PCCA: variants seen among roughly 807,000 people sequenced by gnomAD.
PCCA encodes the protein propionyl-CoA carboxylase subunit alpha.
PCCA carries 74 observed loss-of-function variants against 101.3 expected under a neutral mutation model. That is an observed-to-expected ratio of 0.73 (90% CI 0.61 to 0.89). The LOEUF is 0.89. Ranked by LOEUF, PCCA falls within the 40% of genes least tolerant of loss-of-function variation. The pLI is 0.00. For missense variants in PCCA, 891 were observed against 907.0 expected, an observed-to-expected ratio of 0.98 and a Z score of 0.23; for synonymous variants, 294 against 313.6, an observed-to-expected ratio of 0.94 and a Z score of 0.66.
At chr13:100,353,000 A>C (rs1271454965) in intron 18 of PCCA, among the ~76,000 whole-genome samples, 6 of 152,240 alleles carry the variant, frequency 3.9e-5, no homozygotes, top group African/African-American at 1.4e-4. Context: ...TACAGGCATG[A>C]GCTGCCAAGA....
intron 10 of PCCA, among the ~76,000 whole-genome samples, chr13:100,266,887 C>T (rs1460774088): frequency 6.6e-6 from 1 of 152,162 alleles, no homozygotes; most frequent in East Asian, 1.9e-4. Context: ...TTTCTACATT[C>T]AGTACGTGTA....
chr13:100,332,686 C>T (rs2069813506), intron 17 of PCCA, among the ~76,000 whole-genome samples: 1 of 152,070 alleles, frequency 6.6e-6, no homozygotes, highest in African/African-American at 2.4e-5. Flanking sequence ...AGAAGGGATC[C>T]CCTTCAAACT....
intron 17 of PCCA, among the ~76,000 whole-genome samples, 175 bp downstream of exon 17, chr13:100,330,846 G>T (rs548909545): frequency 2.0e-5 from 3 of 152,260 alleles, no homozygotes; most frequent in Admixed American, 2.0e-4. Flanking sequence ...GATGACTCAT[G>T]AGTGTGATAA....
chr13:100,199,722 CA>C (rs1272074733), intron 6 of PCCA, among the ~76,000 whole-genome samples: 1 of 152,150 alleles, frequency 6.6e-6, no homozygotes, highest in East Asian at 1.9e-4. Flanking sequence ...TTAATGCTAA[CA>C]TTTTTTTCAT....
At chr13:100,135,729 C>T (rs1566550622) in intron 4 of PCCA, among the ~76,000 whole-genome samples, 1 of 152,044 alleles carries the variant, frequency 6.6e-6, no homozygotes, top group Non-Finnish European at 1.5e-5. Context: ...ACATTCTTGC[C>T]TTATTCCCAA....
At position 100,273,450 on chromosome 13, in the gene PCCA, G is replaced by A; in HGVS notation, c.1065+104G>A. Reference sequence around the variant, plus strand: ...TGTTAAAAAATTAACTCCATAAAGTGTTAAATAAAGATTTAGTTTTTATGC... The same window carrying A: ...TGTTAAAAAATTAACTCCATAAAGTATTAAATAAAGATTTAGTTTTTATGC... On this transcript the variant is annotated intron_variant, in intron 12 of 23. Transcript: ENST00000376285. 3 of 890,292 alleles carry A rather than the reference G, an allele frequency of 3.4e-6. 1 individual carries two copies. In the South Asian group the frequency reaches 4.4e-5, roughly 13 times the overall value. 55.1% of individuals were successfully genotyped at this position (890,292 alleles called of 1,614,324 possible). A position where few individuals can be genotyped will look rare whatever the true frequency, so the allele number is the denominator to read the frequency against.
Position 100,309,871 on chromosome 13 carries a change from G to T in PCCA, c.1392G>T (p.Lys464Asn). Residue 464 changes from lysine to asparagine, a missense_variant, in exon 16 of 24, where the codon AAG becomes AAT. Lys to Asn is a moderately conservative substitution (Grantham distance 94, BLOSUM62 0). Coordinates refer to ENST00000376285, the MANE Select transcript of PCCA (RefSeq NM_000282.4). ...TYGSDRTEAL[K>N]RMADALDNYV... ...GCTCTGATAGAACTGAGGCACTGAAGAGAATGGCAGATGCACTGGATAACT... is the reference window on the plus strand; with the variant it reads ...GCTCTGATAGAACTGAGGCACTGAATAGAATGGCAGATGCACTGGATAACT... 6.2e-7 allele frequency: 1 copy of T among 1,613,564 alleles called. No homozygotes were observed.
At chr13:100,349,847 C>T (rs2073043691) in intron 18 of PCCA, among the ~76,000 whole-genome samples, 1 of 152,172 alleles carries the variant, frequency 6.6e-6, no homozygotes, top group South Asian at 2.1e-4. Flanking sequence ...CGGGAAATTA[C>T]TTCCTCTTGG....
intron 7 of PCCA, among the ~76,000 whole-genome samples, chr13:100,229,375 C>G (rs1365532249): frequency 6.6e-6 from 1 of 152,220 alleles, no homozygotes; most frequent in Non-Finnish European, 1.5e-5. Context: ...AGTAACTTCT[C>G]TTAGAAGCAA....
chr13:100,268,904 C>A (rs2063122050), intron 11 of PCCA, 121 bp downstream of exon 11: 2 of 784,446 alleles, frequency 2.5e-6, no homozygotes. Flanking sequence ...GTTGCCCAGG[C>A]AGTGGTGCAA....
chr13:100,329,012 T>G (rs1181525382), intron 16 of PCCA, among the ~76,000 whole-genome samples: 1 of 149,346 alleles, frequency 6.7e-6, no homozygotes, highest in African/African-American at 2.5e-5. Flanking sequence ...TTTTTTTTGG[T>G]CCAAATGGTT....
At chr13:100,232,895 T>C (rs894827275) in intron 7 of PCCA, among the ~76,000 whole-genome samples, 1 of 152,240 alleles carries the variant, frequency 6.6e-6, no homozygotes, top group African/African-American at 2.4e-5. Context: ...TCATGTAGTG[T>C]TGCTGGGCAG....
At position 100,302,111 on chromosome 13, in the gene PCCA, A is replaced by C. The variant is rs1410838130; in HGVS notation, c.1209+508A>C. On this transcript the variant is annotated intron_variant, in intron 13 of 23. Coordinates refer to ENST00000376285, the MANE Select transcript of PCCA (RefSeq NM_000282.4). ...TCAAAATTTAAATTGTAAAGCTTTT[A>C]GTAAAACATGTACTCTTAATTTATA... is the stretch of plus-strand genomic sequence containing the variant. Among the ~76,000 whole-genome samples, 3 of 152,162 alleles carry C rather than the reference A, an allele frequency of 2.0e-5. No homozygotes were observed. In the East Asian group the frequency reaches 5.8e-4, roughly 29 times the overall value.
At chr13:100,297,118 T>C (rs1239466503) in intron 12 of PCCA, among the ~76,000 whole-genome samples, 1 of 152,244 alleles carries the variant, frequency 6.6e-6, no homozygotes, top group Non-Finnish European at 1.5e-5. Context: ...AATGACACTG[T>C]CCATCTATGA....
chr13:100,273,089 A>G (rs2063405831), intron 11 of PCCA, 107 bp from the exon 12 acceptor site: 3 of 768,232 alleles, frequency 3.9e-6, no homozygotes, highest in South Asian at 3.1e-5. Flanking sequence ...AAATTGGTAT[A>G]GATGATCTAT....
intron 6 of PCCA, among the ~76,000 whole-genome samples, chr13:100,188,678 G>C (rs545840069): frequency 1.6e-4 from 24 of 152,294 alleles, no homozygotes; most frequent in African/African-American, 4.3e-4. Context: ...CCCAATAGCA[G>C]TGTAAAAGTG....
intron 22 of PCCA, among the ~76,000 whole-genome samples, chr13:100,519,257 C>T (rs781304855): frequency 3.3e-5 from 5 of 152,220 alleles, no homozygotes; most frequent in Non-Finnish European, 7.3e-5. Flanking sequence ...TCTTTCTTAA[C>T]AATTAGTGAA....
intron 7 of PCCA, among the ~76,000 whole-genome samples, chr13:100,210,474 T>G (rs2059142982): frequency 6.6e-6 from 1 of 152,240 alleles, no homozygotes; most frequent in Non-Finnish European, 1.5e-5. Flanking sequence ...TCTGTATATC[T>G]TTATCTTGAG....
rs563264624 is a variant in PCCA at position 100,422,139 on chromosome 13, T to C, written c.1747-3494T>C. 7.0e-3 allele frequency among the ~76,000 whole-genome samples: 941 copies of C among 134,650 alleles called. 20 individuals are homozygous for C. Among genetic ancestry groups the C allele is most frequent in the African/African-American group, 0.022 (803 of 36,110 alleles). 88.3% of individuals were successfully genotyped at this position (134,650 alleles called of 152,430 possible). Reference sequence around the variant, plus strand: ...CTTTCTTTTCTTTCTTTCTTTCTTTTTTTTTTTTTTTTTGACAGCATTTTG... The same window carrying C: ...CTTTCTTTTCTTTCTTTCTTTCTTTCTTTTTTTTTTTTTGACAGCATTTTG... On this transcript the variant is annotated intron_variant, in intron 19 of 23. Coordinates refer to ENST00000376285, the MANE Select transcript of PCCA (RefSeq NM_000282.4).
Sources: gnomAD v4.1 joint callset for allele counts (sites outside exome capture counted in the v4.1 genomes callset) on GRCh38, gnomAD v4.1.1 for gene constraint, MANE v1.5 for transcripts, NCBI Gene and HGNC (gene_info 2026-07-23, HGNC 2026-07-21) for gene names.